Variants in PDE8A observed in about 807,000 individuals in gnomAD.
PDE8A encodes the protein high affinity cAMP-specific and IBMX-insensitive 3',5'-cyclic phosphodiesterase 8A.
A neutral mutation model predicts 105.0 loss-of-function variants in PDE8A; 59 were observed. That is an observed-to-expected ratio of 0.56 (90% CI 0.46 to 0.70). PDE8A has a LOEUF of 0.70. Among genes scored for constraint, PDE8A ranks in the 30% least tolerant of loss-of-function variants. The probability of loss-of-function intolerance (pLI) is 0.00; values close to 1 mark genes in which losing one functional copy is unlikely to be tolerated. For missense variants in PDE8A, 1,014 were observed against 1,045.9 expected (o/e 0.97, Z 0.42); for synonymous variants, 355 against 371.9 (o/e 0.95, Z 0.52).
chr15:85,084,926 A>G lies in PDE8A; in HGVS notation c.635+1282A>G, dbSNP rs151237720. On this transcript the variant is annotated intron_variant, in intron 6 of 21. Coordinates refer to ENST00000394553, the MANE Select transcript of PDE8A (RefSeq NM_002605.3). ...CCAATTGATCTTACTAATTTTTGGA[A>G]TCTGTCCACTTAATCTTCATCTCTA... is the stretch of plus-strand genomic sequence containing the variant. Among the ~76,000 whole-genome samples, 149 of 152,254 alleles carry G rather than the reference A, an allele frequency of 9.8e-4. 1 individual carries two copies. Among genetic ancestry groups the G allele is most frequent in the African/African-American group, 3.5e-3 (145 of 41,526 alleles).
rs955969317 is a variant in PDE8A, at chr15:85,019,279, C to G, written c.186+36931C>G. Among the ~76,000 whole-genome samples, 7 of 152,264 alleles carry G rather than the reference C, an allele frequency of 4.6e-5. No homozygotes were observed. The South Asian group carries it at 6.2e-4, about 14-fold the overall frequency. On this transcript the variant is annotated intron_variant, in intron 1 of 21. Coordinates refer to ENST00000394553, the MANE Select transcript of PDE8A (RefSeq NM_002605.3). ...GTGGTTGAGTAGAAAAATCTGCATA[C>G]ACACATAGATGTATTTAGGGGTGAA... is the stretch of plus-strand genomic sequence containing the variant.
At position 84,982,273 on chromosome 15, in the gene PDE8A, G is replaced by A; in HGVS notation, c.111G>A (p.Gln37=). The part of the protein sequence containing the change: ...SSGGPRLPQG[Q]KTAALPRTRG... ...GCGGGCCGCGCCTCCCGCAGGGCCA[G>A]AAGACGGCCGCCTTGCCCCGGACCC... Residue 37 remains glutamine, a synonymous_variant, in exon 1 of 22, where the codon CAG becomes CAA. Coordinates refer to ENST00000394553, the MANE Select transcript of PDE8A (RefSeq NM_002605.3). 7.0e-7 allele frequency: 1 copy of A among 1,437,258 alleles called. No homozygotes were observed. The highest frequency in any genetic ancestry group is 9.1e-7 in the Non-Finnish European group (1 of 1,103,516). 89.0% of individuals were successfully genotyped at this position (1,437,258 alleles called of 1,614,324 possible). A position where few individuals can be genotyped will look rare whatever the true frequency, so the allele number is the denominator to read the frequency against.
chr15:85,043,704 G>T lies in PDE8A; in HGVS notation c.187-20666G>T, dbSNP rs371857485. Among the ~76,000 whole-genome samples the T allele has an allele frequency of 1.5e-4, 16 of 107,224 alleles. No individual in the cohort carries two copies. In the East Asian group the frequency reaches 1.7e-3, roughly 11 times the overall value. The allele number at this position is 107,224 out of a possible 152,430, so 70.3% of individuals were successfully genotyped here. On this transcript the variant is annotated intron_variant, in intron 1 of 21. Transcript: ENST00000394553. ...TTTTTGTTTGTTTGTTTGTTTGTTT[G>T]TTTGTTTTTTTGAGGCAGGGTCTTA...
At chr15:85,029,817 C>A (rs1025028226) in intron 1 of PDE8A, among the ~76,000 whole-genome samples, 2 of 152,172 alleles carry the variant, frequency 1.3e-5, no homozygotes, top group Non-Finnish European at 2.9e-5. Context: ...AAGCAACTTA[C>A]TTTTCTCACA....
chr15:85,122,254 A>G (rs1330496417), intron 18 of PDE8A, among the ~76,000 whole-genome samples: 1 of 152,202 alleles, frequency 6.6e-6, no homozygotes, highest in Non-Finnish European at 1.5e-5. Context: ...GTAAGGTCAC[A>G]AGGGTCATAT....
intron 1 of PDE8A, among the ~76,000 whole-genome samples, chr15:85,004,863 T>TTA (rs11408402): frequency 2.0e-5 from 3 of 147,406 alleles, no homozygotes; most frequent in Admixed American, 6.8e-5. Context: ...TTTTTTTTTT[T>TTA]ACCTTTAGAC....
upstream of PDE8A, among the ~76,000 whole-genome samples, chr15:84,981,162 C>G (rs1056130947): frequency 5.9e-5 from 9 of 152,256 alleles, no homozygotes; most frequent in African/African-American, 2.2e-4. Context: ...CTTCTGGTGG[C>G]CTCGGGACGG....
At chr15:85,053,270 G>A (rs1216106349) in intron 1 of PDE8A, among the ~76,000 whole-genome samples, 1 of 152,164 alleles carries the variant, frequency 6.6e-6, no homozygotes, top group Non-Finnish European at 1.5e-5. Flanking sequence ...CTCCAACTTT[G>A]TTCTTTTGGC....
intron 1 of PDE8A, among the ~76,000 whole-genome samples, chr15:85,003,181 A>G (rs2080092914): frequency 6.6e-6 from 1 of 152,184 alleles, no homozygotes; most frequent in African/African-American, 2.4e-5. Context: ...AGGGAAGGAC[A>G]TGGGTATGCT....
intron 1 of PDE8A, among the ~76,000 whole-genome samples, chr15:85,060,149 T>C (rs1160604454): frequency 6.6e-6 from 1 of 152,290 alleles, no homozygotes; most frequent in Non-Finnish European, 1.5e-5. Flanking sequence ...TTTTTTGTAA[T>C]GCAATATTTA....
At chr15:85,048,774 C>T (rs540140988) in intron 1 of PDE8A, among the ~76,000 whole-genome samples, 1 of 152,296 alleles carries the variant, frequency 6.6e-6, no homozygotes, top group African/African-American at 2.4e-5. Flanking sequence ...ATTATACAGA[C>T]CATTTCAAGC....
intron 1 of PDE8A, among the ~76,000 whole-genome samples, chr15:85,020,181 TTC>T (rs2080401133): frequency 2.0e-5 from 3 of 152,260 alleles, no homozygotes; most frequent in Admixed American, 2.0e-4. Flanking sequence ...ATCTTCTCAA[TTC>T]TCTGTCTGTG....
chr15:85,002,645 C>T (rs1186041949), intron 1 of PDE8A, among the ~76,000 whole-genome samples: 1 of 152,236 alleles, frequency 6.6e-6, no homozygotes, highest in Admixed American at 6.5e-5. Context: ...AGAAGCGATT[C>T]CCATTTCCTC....
chr15:85,041,170 A>G (rs7182132), intron 1 of PDE8A, among the ~76,000 whole-genome samples: 8,147 of 152,294 alleles, frequency 0.053, 692 homozygotes, highest in African/African-American at 0.18. Flanking sequence ...GAAAATGTCA[A>G]CCAGAAGCAA....
In PDE8A at chr15:85,057,306, G is replaced by A. The variant is rs538529887; in HGVS notation, c.187-7064G>A. On this transcript the variant is annotated intron_variant, in intron 1 of 21. Coordinates refer to ENST00000394553, the MANE Select transcript of PDE8A (RefSeq NM_002605.3). ...TGTCTGTTCTCAGATCTCGAACTCC[G>A]TGCTGGGAGGACCACTACTCTCTTC... Among the ~76,000 whole-genome samples, 121 of 152,276 alleles carry A rather than the reference G, an allele frequency of 7.9e-4. 1 individual carries two copies. Among genetic ancestry groups the A allele is most frequent in the African/African-American group, 7.7e-4 (32 of 41,552 alleles).
intron 3 of PDE8A, among the ~76,000 whole-genome samples, chr15:85,069,301 G>T (rs1460453070): frequency 6.6e-6 from 1 of 152,174 alleles, no homozygotes; most frequent in Non-Finnish European, 1.5e-5. Context: ...CCTCTATGAA[G>T]TGCCTAGCAC....
At chr15:85,107,163 G>A (rs1289525793) in intron 11 of PDE8A, among the ~76,000 whole-genome samples, 1 of 152,212 alleles carries the variant, frequency 6.6e-6, no homozygotes, top group Non-Finnish European at 1.5e-5. Flanking sequence ...AAGAAGATCA[G>A]AGGTAACCAG....
At chr15:85,081,523 T>G (rs778429665) in intron 5 of PDE8A, among the ~76,000 whole-genome samples, 10 of 152,158 alleles carry the variant, frequency 6.6e-5, no homozygotes, top group Non-Finnish European at 1.5e-4. Context: ...TTAAGTTAGC[T>G]TAGAAGTCTA....
At chr15:85,135,027 A>C (rs2082386134) in intron 20 of PDE8A, among the ~76,000 whole-genome samples, 1 of 152,114 alleles carries the variant, frequency 6.6e-6, no homozygotes, top group South Asian at 2.1e-4. Context: ...GGACGAGAGA[A>C]CTTTCTGACC....
Sources: allele counts gnomAD v4.1 joint callset (sites outside exome capture counted in the v4.1 genomes callset), GRCh38; gene constraint gnomAD v4.1.1; transcripts MANE v1.5; gene names NCBI Gene and HGNC (gene_info 2026-07-23, HGNC 2026-07-21).